The following GLRX5 variants were observed in gnomAD, a reference collection of about 807,000 sequenced individuals.
The protein encoded by GLRX5 is glutaredoxin-related protein 5, mitochondrial.
In GLRX5, 10 loss-of-function variants were observed where a neutral mutation model predicts 13.8. That is an observed-to-expected ratio of 0.72 (90% CI 0.45 to 1.23). The LOEUF (loss-of-function observed/expected upper bound fraction) is 1.23, where lower values mean the gene tolerates loss of function less well. Among genes scored for constraint, GLRX5 ranks in the 50% most tolerant of loss-of-function variants. The pLI is 0.00. For synonymous variants in GLRX5, 98 were observed against 101.1 expected, an observed-to-expected ratio of 0.97 and a Z score of 0.18; for missense variants, 233 against 215.2, an observed-to-expected ratio of 1.08 and a Z score of -0.52.
At position 95,543,771 on chromosome 14, in the gene GLRX5, G is replaced by A. The variant is rs1891512077; in HGVS notation, c.296-176G>A. 7 of 641,874 alleles carry A rather than the reference G, an allele frequency of 1.1e-5. No homozygotes were observed. The South Asian group carries it at 1.3e-4, about 12-fold the overall frequency. The allele number at this position is 641,874 out of a possible 1,614,324, so 39.8% of individuals were successfully genotyped here. On this transcript the variant is annotated intron_variant, in intron 1 of 1. Coordinates refer to ENST00000331334, the MANE Select transcript of GLRX5 (RefSeq NM_016417.3). ...TTGGAAGAGTCAGGGCCTAACCACT[G>A]GTCTCTTTGACACAAAAACTCATGC...
chr14:95,543,873 C>A, intron 1 of GLRX5, 74 bp from the exon 2 acceptor site: 2 of 1,367,884 alleles, frequency 1.5e-6, no homozygotes, highest in South Asian at 2.3e-5. Flanking sequence ...ACTAGTGGGT[C>A]AAAATTACAT....
intron 1 of GLRX5, 31 bp downstream of exon 1, chr14:95,535,415 C>A (rs1194143812): frequency 6.5e-7 from 1 of 1,536,358 alleles, no homozygotes. Flanking sequence ...AGGCGCCCTC[C>A]GCCCCGGGCC....
In GLRX5 at chr14:95,535,398, G is replaced by T; in HGVS notation, c.295+14G>T. The T allele has an allele frequency of 6.5e-7, 1 of 1,544,892 alleles. No homozygotes were observed. On this transcript the variant is annotated intron_variant, in intron 1 of 1. Coordinates refer to ENST00000331334, the MANE Select transcript of GLRX5 (RefSeq NM_016417.3). ...AGCTCCGACAAGGTCAGGCCAGTGT[G>T]CCGGGCAGGCGCCCTCCGCCCCGGG...
chr14:95,539,843 TAA>T (rs1186750516), intron 1 of GLRX5, among the ~76,000 whole-genome samples: 7 of 152,160 alleles, frequency 4.6e-5, no homozygotes, highest in Non-Finnish European at 8.8e-5. Flanking sequence ...GTAAAACGCT[TAA>T]AGAGTATGAA....
rs1167169521 is a variant in GLRX5, at chr14:95,535,196, C to G, written c.107C>G (p.Ala36Gly). Residue 36 changes from alanine to glycine, a missense_variant, in exon 1 of 2, where the codon GCG (alanine) becomes GGG (glycine). Physicochemically the swap from Ala to Gly is moderately conservative, Grantham distance 60. Coordinates refer to ENST00000331334, the MANE Select transcript of GLRX5 (RefSeq NM_016417.3). ...GGCGTGCGGGCGGCGGGCTCGGGCG[C>G]GGGCGGCGGCGGCTCGGCGGAGCAG... ...GPGVRAAGSG[A>G]GGGGSAEQLD... 1.2e-5 allele frequency: 18 copies of G among 1,503,048 alleles called. No homozygotes were observed. The highest frequency in any genetic ancestry group is 2.4e-4 in the Middle Eastern group (1 of 4,246). 93.1% of individuals were successfully genotyped at this position (1,503,048 alleles called of 1,614,324 possible).
intron 1 of GLRX5, among the ~76,000 whole-genome samples, chr14:95,537,693 C>G (rs1891404325): frequency 2.6e-5 from 4 of 152,258 alleles, no homozygotes; most frequent in Admixed American, 2.6e-4. Flanking sequence ...TCTTGCAAAA[C>G]TGGCCTTTTG....
intron 1 of GLRX5, among the ~76,000 whole-genome samples, chr14:95,536,392 A>T (rs1235812092): frequency 6.6e-6 from 1 of 152,170 alleles, no homozygotes; most frequent in Non-Finnish European, 1.5e-5. Flanking sequence ...CCAGTTAGAG[A>T]CTTTCAGTGA....
At chr14:95,535,966 TG>T (rs1042906312) in intron 1 of GLRX5, among the ~76,000 whole-genome samples, 4 of 152,276 alleles carry the variant, frequency 2.6e-5, no homozygotes, top group African/African-American at 9.6e-5. Context: ...AGCAAAGGGT[TG>T]GGACAGCTGT....
chr14:95,542,018 A>G (rs1435172023), intron 1 of GLRX5, among the ~76,000 whole-genome samples: 2 of 152,234 alleles, frequency 1.3e-5, no homozygotes, highest in Non-Finnish European at 2.9e-5. Context: ...GATAATGAAA[A>G]GAAGCTCACG....
intron 1 of GLRX5, 83 bp downstream of exon 1, chr14:95,535,467 G>T: frequency 7.4e-7 from 1 of 1,348,792 alleles, no homozygotes; most frequent in South Asian, 1.3e-5. Flanking sequence ...CCGCCGCGCC[G>T]GGCTGGGGAG....
At chr14:95,535,435 C>T (rs1891353516) in intron 1 of GLRX5, 51 bp downstream of exon 1, 1 of 1,505,664 alleles carries the variant, frequency 6.6e-7, no homozygotes, top group Admixed American at 2.0e-5. Context: ...CCAGGAGCAT[C>T]GCTGCACGAG....
Position 95,544,459 on chromosome 14 carries a change from A to G in GLRX5, c.*334A>G. On this transcript the variant is annotated 3_prime_UTR_variant, in exon 2 of 2. Transcript: ENST00000331334. ...ATCATTATTCATGACCCCTCTGCAA[A>G]TGTGTCAGTCTCCAAAGAGAGTATC... 1 of 268,456 alleles carries G rather than the reference A, an allele frequency of 3.7e-6. No homozygotes were observed. Among genetic ancestry groups the G allele is most frequent in the Non-Finnish European group, 7.2e-6 (1 of 137,960 alleles). 16.6% of individuals were successfully genotyped at this position (268,456 alleles called of 1,614,324 possible). A position where few individuals can be genotyped will look rare whatever the true frequency, so the allele number is the denominator to read the frequency against.
intron 1 of GLRX5, 72 bp from the exon 2 acceptor site, chr14:95,543,875 A>G: frequency 5.8e-6 from 8 of 1,390,630 alleles, no homozygotes; most frequent in African/African-American, 2.8e-5. Context: ...TAGTGGGTCA[A>G]AATTACATAT....
At chr14:95,540,700 G>A (rs1891459765) in intron 1 of GLRX5, among the ~76,000 whole-genome samples, 1 of 152,214 alleles carries the variant, frequency 6.6e-6, no homozygotes, top group African/African-American at 2.4e-5. Context: ...AGTCTAGTAG[G>A]TAAGAGACAG....
intron 1 of GLRX5, among the ~76,000 whole-genome samples, chr14:95,536,978 A>G (rs1465256297): frequency 6.6e-6 from 1 of 152,192 alleles, no homozygotes; most frequent in Admixed American, 6.5e-5. Flanking sequence ...GCTCAGTTTT[A>G]TCATGTGCAA....
At chr14:95,536,124 C>T (rs899451600) in intron 1 of GLRX5, among the ~76,000 whole-genome samples, 1 of 152,188 alleles carries the variant, frequency 6.6e-6, no homozygotes, top group Non-Finnish European at 1.5e-5. Flanking sequence ...GGGCCCTGGG[C>T]TAACTCACTG....
At chr14:95,535,594 C>G (rs967469954) in intron 1 of GLRX5, among the ~76,000 whole-genome samples, 4 of 152,200 alleles carry the variant, frequency 2.6e-5, no homozygotes, top group Admixed American at 6.5e-5. Context: ...TCTTGAGGAT[C>G]TGGGGCTCTG....
chr14:95,543,697 A>C, intron 1 of GLRX5: 1 of 512,336 alleles, frequency 2.0e-6, no homozygotes, highest in Middle Eastern at 5.2e-4. Context: ...ATGAGGGTGG[A>C]AACAGGATGA....
chr14:95,535,069 G>A lies in GLRX5; in HGVS notation c.-21G>A. 1 of 1,337,108 alleles carries A rather than the reference G, an allele frequency of 7.5e-7. No homozygotes were observed. Among genetic ancestry groups the A allele is most frequent in the South Asian group, 1.5e-5 (1 of 67,840 alleles). The allele number at this position is 1,337,108 out of a possible 1,614,324, so 82.8% of individuals were successfully genotyped here. A position where few individuals can be genotyped will look rare whatever the true frequency, so the allele number is the denominator to read the frequency against. On this transcript the variant is annotated 5_prime_UTR_variant, in exon 1 of 2. Transcript: ENST00000331334. ...CCAGCTGTGGGCCCGGGCCGTCGTG[G>A]GCTCCGGCTTGCGTGCGGAGATGAG... is the stretch of plus-strand genomic sequence containing the variant.
Sources: gnomAD v4.1 joint callset for allele counts (sites outside exome capture counted in the v4.1 genomes callset) on GRCh38, gnomAD v4.1.1 for gene constraint, MANE v1.5 for transcripts, NCBI Gene and HGNC (gene_info 2026-07-23, HGNC 2026-07-21) for gene names.